The following DMD variants were observed in gnomAD, a reference collection of about 807,000 sequenced individuals.
DMD encodes mutant dystrophin.
A neutral mutation model predicts 330.1 loss-of-function variants in DMD; 63 were observed. That is an observed-to-expected ratio of 0.19 (90% CI 0.16 to 0.24). The LOEUF (loss-of-function observed/expected upper bound fraction) is 0.24, where lower values mean the gene tolerates loss of function less well. DMD is among the 10% of genes least tolerant of loss of function. DMD has a pLI of 1.00. For synonymous variants in DMD, 1,223 were observed against 959.8 expected (o/e 1.27, Z -5.07); for missense variants, 3,344 against 2,684.1 (o/e 1.25, Z -5.43).
At chrX:32,821,012 A>C (rs777108883) in intron 5 of DMD, among the ~76,000 whole-genome samples, 1 of 111,145 alleles carries the variant, frequency 9.0e-6, no homozygotes, top group East Asian at 3.0e-4. Context: ...TGCTGGTTCT[A>C]TTTGACACCA....
intron 9 of DMD, among the ~76,000 whole-genome samples, chrX:32,683,955 T>C (rs2062640638): frequency 9.5e-6 from 1 of 104,885 alleles, no homozygotes; most frequent in East Asian, 3.0e-4. Flanking sequence ...TGAAAAAAAT[T>C]GCACCATAGA....
chrX:32,339,063 C>T (rs1429055032), intron 41 of DMD, among the ~76,000 whole-genome samples: 2 of 111,517 alleles, frequency 1.8e-5, no homozygotes, highest in Admixed American at 9.6e-5. Flanking sequence ...AGAAAGGAGA[C>T]GAAGAAAACT....
At chrX:31,406,694 G>A (rs1166892615) in intron 60 of DMD, among the ~76,000 whole-genome samples, 2 of 111,444 alleles carry the variant, frequency 1.8e-5, no homozygotes, top group Non-Finnish European at 3.8e-5. Flanking sequence ...GGAAACTGAG[G>A]CACAGGAAGG....
chrX:31,643,827 T>C (rs984737004), intron 54 of DMD, among the ~76,000 whole-genome samples: 1 of 111,950 alleles, frequency 8.9e-6, no homozygotes, highest in African/African-American at 3.2e-5. Flanking sequence ...AAAAACATTA[T>C]ACTTTCATAG....
chrX:32,892,403 G>C (rs1352707846), intron 2 of DMD, among the ~76,000 whole-genome samples: 1 of 111,295 alleles, frequency 9.0e-6, no homozygotes, highest in Non-Finnish European at 1.9e-5. Flanking sequence ...TTTGTTTTTT[G>C]TTTCTTTGAG....
At chrX:32,333,480 T>G (rs1397647559) in intron 41 of DMD, among the ~76,000 whole-genome samples, 3 of 111,788 alleles carry the variant, frequency 2.7e-5, no homozygotes, top group Non-Finnish European at 5.6e-5. Flanking sequence ...GTCACTACTT[T>G]CTAAGGAAAT....
At chrX:31,145,866 T>C (rs771790868) in intron 76 of DMD, among the ~76,000 whole-genome samples, 2 of 111,666 alleles carry the variant, frequency 1.8e-5, no homozygotes, top group East Asian at 5.6e-4. Flanking sequence ...TTTCACCATA[T>C]TGGCCGGGCT....
At chrX:33,098,534 CTT>C (rs1160647980) in intron 1 of DMD, among the ~76,000 whole-genome samples, 2 of 111,058 alleles carry the variant, frequency 1.8e-5, no homozygotes, top group African/African-American at 6.5e-5. Context: ...GCACTAAAGA[CTT>C]ATAACTTGAG....
chrX:32,742,562 G>T (rs958530081), intron 7 of DMD, among the ~76,000 whole-genome samples: 1 of 111,736 alleles, frequency 8.9e-6, no homozygotes, highest in Non-Finnish European at 1.9e-5. Flanking sequence ...ATTCAGAAGG[G>T]ATACACAGAC....
At chrX:32,543,960 A>G (rs994096236) in intron 17 of DMD, among the ~76,000 whole-genome samples, 1 of 112,636 alleles carries the variant, frequency 8.9e-6, no homozygotes, top group Admixed American at 9.4e-5. Flanking sequence ...AACATTATTT[A>G]TAACACTGAA....
At chrX:32,009,265 T>C (rs749641947) in intron 44 of DMD, among the ~76,000 whole-genome samples, 1 of 111,455 alleles carries the variant, frequency 9.0e-6, no homozygotes, top group Non-Finnish European at 1.9e-5. Context: ...CTGCTATTGC[T>C]GGGGGTCTCT....
intron 1 of DMD, among the ~76,000 whole-genome samples, chrX:33,173,531 G>T (rs2049472552): frequency 9.0e-6 from 1 of 111,044 alleles, no homozygotes; most frequent in Non-Finnish European, 1.9e-5. Context: ...CTTCTCAGTG[G>T]CAGATTCAGT....
chrX:33,165,113 G>A (rs2048987500), intron 1 of DMD, among the ~76,000 whole-genome samples: 1 of 110,455 alleles, frequency 9.1e-6, no homozygotes, highest in Admixed American at 9.7e-5. Flanking sequence ...TTCTACCTCA[G>A]CCTAATAAAC....
At chrX:31,238,316 C>T (rs1428950775) in intron 63 of DMD, among the ~76,000 whole-genome samples, 1 of 111,831 alleles carries the variant, frequency 8.9e-6, no homozygotes, top group Non-Finnish European at 1.9e-5. Flanking sequence ...TTCTTTTCAA[C>T]ACACTGGATC....
intron 1 of DMD, among the ~76,000 whole-genome samples, chrX:33,028,946 C>A (rs939086561): frequency 1.8e-5 from 2 of 111,905 alleles, no homozygotes; most frequent in African/African-American, 6.5e-5. Context: ...TCATTACCTC[C>A]TAAATGTGAC....
At chrX:33,000,746 T>C (rs1045631623) in intron 2 of DMD, among the ~76,000 whole-genome samples, 1 of 112,021 alleles carries the variant, frequency 8.9e-6, no homozygotes, top group Non-Finnish European at 1.9e-5. Context: ...GAAGAAATAA[T>C]ATTTTTGTTT....
chrX:32,440,593 T>G (rs1213024514), intron 28 of DMD, among the ~76,000 whole-genome samples: 3 of 111,709 alleles, frequency 2.7e-5, no homozygotes, highest in Middle Eastern at 5.0e-3. Context: ...AGAGCTTGAA[T>G]GATTAAATGT....
intron 57 of DMD, among the ~76,000 whole-genome samples, chrX:31,491,255 G>T (rs897056638): frequency 2.7e-5 from 3 of 112,188 alleles, no homozygotes; most frequent in Non-Finnish European, 5.6e-5. Flanking sequence ...GAAGGGAGTT[G>T]AATAAGCTGA....
rs1355952047 is a variant in DMD at position 32,595,796 on chromosome X, A to G, written c.1563T>C (p.Ser521=). The stretch of plus-strand genomic sequence containing the variant: ...CCAAAGCAGCAGTTGCGTGATCTCC[A>G]CTAGATTCATCAACTACCACCACCA... The part of the protein sequence containing the change: ...THMVVVVDES[S]GDHATAALEE... The change falls in exon 13 of 79, where the codon AGT becomes AGC. Residue 521 remains serine (S), a synonymous_variant. Transcript: ENST00000357033. The G allele has an allele frequency of 8.3e-7, 1 of 1,207,527 alleles. No individual in the cohort carries two copies. Among genetic ancestry groups the G allele is most frequent in the African/African-American group, 1.7e-5 (1 of 57,244 alleles).
Sources: gnomAD v4.1 joint callset for allele counts (sites outside exome capture counted in the v4.1 genomes callset) on GRCh38, gnomAD v4.1.1 for gene constraint, MANE v1.5 for transcripts, NCBI Gene and HGNC (gene_info 2026-07-23, HGNC 2026-07-21) for gene names.